SGCE: variants seen among roughly 807,000 people sequenced by gnomAD.
The protein encoded by SGCE is epsilon-sarcoglycan.
A neutral mutation model predicts 57.8 loss-of-function variants in SGCE; 26 were observed. The observed-to-expected ratio is 0.45, with a 90% CI of 0.33 to 0.62. The LOEUF is 0.62. Ranked by LOEUF, SGCE falls within the 20% of genes least tolerant of loss-of-function variation. SGCE has a pLI of 0.02. For synonymous variants in SGCE, 183 were observed against 189.5 expected (o/e 0.97, Z 0.28); for missense variants, 468 against 548.6 (o/e 0.85, Z 1.47).
chr7:94,595,866 A>G (rs2116641545), intron 9 of SGCE, among the ~76,000 whole-genome samples: 1 of 152,246 alleles, frequency 6.6e-6, no homozygotes, highest in South Asian at 2.1e-4. Context: ...TCTAAGAATA[A>G]AAGAAAGATA....
chr7:94,602,069 G>T (rs1799353265), intron 6 of SGCE, among the ~76,000 whole-genome samples: 1 of 151,996 alleles, frequency 6.6e-6, no homozygotes, highest in African/African-American at 2.4e-5. Flanking sequence ...TAGAGACTGG[G>T]TAATAGTCCT....
intron 1 of SGCE, among the ~76,000 whole-genome samples, chr7:94,647,546 AAT>A (rs1313380507): frequency 3.9e-5 from 6 of 152,214 alleles, no homozygotes. Context: ...GTCCTGGTTA[AAT>A]CCCTGCAAAG....
Position 94,605,165 on chromosome 7 carries a change from C to T in SGCE, c.663-1713G>A, listed in dbSNP as rs140175179. 2.8e-4 allele frequency among the ~76,000 whole-genome samples: 43 copies of T among 151,902 alleles called. 1 individual carries two copies. The highest frequency in any genetic ancestry group is 3.4e-3 in the Middle Eastern group (1 of 292). On this transcript the variant is annotated intron_variant, in intron 5 of 10. Transcript: ENST00000648936. Reference sequence around the variant, plus strand: ...TGAAAAGACTGAACAAGCATCACACCGGAATCAGATATGGCAGAGATGTTG... The same window carrying T: ...TGAAAAGACTGAACAAGCATCACACTGGAATCAGATATGGCAGAGATGTTG...
chr7:94,643,684 ATTTATT>A (rs745730723), intron 1 of SGCE, among the ~76,000 whole-genome samples: 8 of 152,124 alleles, frequency 5.3e-5, no homozygotes, highest in Non-Finnish European at 1.2e-4. Flanking sequence ...GGAAATAACT[ATTTATT>A]TTTAATTGTG....
intron 10 of SGCE, among the ~76,000 whole-genome samples, chr7:94,586,209 G>A (rs952550029): frequency 6.6e-6 from 1 of 151,892 alleles, no homozygotes; most frequent in Non-Finnish European, 1.5e-5. Context: ...AAACTGACAT[G>A]TGCATAATGT....
chr7:94,618,853 A>G lies in SGCE; in HGVS notation c.567T>C (p.Asn189=), dbSNP rs1802334402. The change falls in exon 5 of 11, where the codon AAT becomes AAC. Residue 189 remains asparagine (N), a synonymous_variant. Transcript: ENST00000648936. ...VLGDFLGAVK[N]VWQPERLNAI... is the part of the protein sequence containing the mutation. ...CGTTCAGGCGCTCTGGCTGCCACAC[A>G]TTTTTCACTGCGCCAAGAAAGTCTC... 11 of 1,613,950 alleles carry G rather than the reference A, an allele frequency of 6.8e-6. No homozygotes were observed. The highest frequency in any genetic ancestry group is 9.3e-6 in the Non-Finnish European group (11 of 1,179,940).
chr7:94,646,141 G>T (rs1344153535), intron 1 of SGCE, among the ~76,000 whole-genome samples: 5 of 152,192 alleles, frequency 3.3e-5, no homozygotes, highest in African/African-American at 1.2e-4. Context: ...GAGGGCTGCA[G>T]TTTAACCCTT....
chr7:94,598,816 G>T lies in SGCE; in HGVS notation c.1212C>A (p.Asp404Glu). Residue 404 changes from aspartate to glutamate, a missense_variant, in exon 9 of 11, where the codon GAC becomes GAA. Asp to Glu is a conservative substitution (Grantham distance 45). Transcript: ENST00000648936. ...TGEIIPPLHT[D>E]NYDSTNMPLM... ...ATGGCATGTTTGTGCTATCATAGTT[G>T]TCTGTGTGTAAAGGAGGTATGATTT... 3 of 1,613,376 alleles carry T rather than the reference G, an allele frequency of 1.9e-6. No homozygotes were observed. The South Asian group carries it at 3.3e-5, about 18-fold the overall frequency.
chr7:94,646,604 A>G (rs1278977988), intron 1 of SGCE, among the ~76,000 whole-genome samples: 2 of 152,208 alleles, frequency 1.3e-5, no homozygotes, highest in African/African-American at 4.8e-5. Context: ...ATTAGTGAAA[A>G]GCAGAATACA....
chr7:94,598,914 G>C lies in SGCE; in HGVS notation c.1114C>G (p.Arg372Gly). ...ATCTCTCTATTCTTGGACATGTCTC[G>C]AAGCTCCTTGGTAGATTTCTGAATA... ...SAIQKSTKEL[R>G]DMSKNREIAW... Residue 372 changes from arginine (R) to glycine (G), a missense_variant, in exon 9 of 11, where the codon CGA becomes GGA. Coordinates refer to ENST00000648936, the MANE Select transcript of SGCE (RefSeq NM_003919.3). The C allele has an allele frequency of 6.2e-7, 1 of 1,613,832 alleles. No individual in the cohort carries two copies. The highest frequency in any genetic ancestry group is 1.1e-5 in the South Asian group (1 of 91,066).
intron 10 of SGCE, 43 bp from the exon 11 acceptor site, chr7:94,585,558 C>G: frequency 7.3e-7 from 1 of 1,365,218 alleles, no homozygotes. Context: ...TTAGTCAGGG[C>G]ATGGATACTT....
intron 1 of SGCE, among the ~76,000 whole-genome samples, chr7:94,631,056 A>G (rs140032985): frequency 2.8e-4 from 43 of 152,118 alleles, no homozygotes; most frequent in African/African-American, 8.7e-4. Flanking sequence ...TACTAAAAAC[A>G]TAACTTCAAA....
chr7:94,645,171 T>C (rs754558714), intron 1 of SGCE, among the ~76,000 whole-genome samples: 17 of 152,228 alleles, frequency 1.1e-4, no homozygotes, highest in Non-Finnish European at 7.3e-5. Context: ...AATACAGTCA[T>C]GCATTGCTTA....
intron 1 of SGCE, chr7:94,640,878 C>T (rs1806290597): frequency 6.6e-6 from 1 of 152,282 alleles, no homozygotes; most frequent in Non-Finnish European, 1.5e-5. Flanking sequence ...GAACTCCAGG[C>T]CTCAGGTGAT....
intron 9 of SGCE, among the ~76,000 whole-genome samples, chr7:94,593,726 C>T (rs1449269212): frequency 6.6e-6 from 1 of 152,028 alleles, no homozygotes; most frequent in African/African-American, 2.4e-5. Flanking sequence ...CCAAACAGCT[C>T]CAACCTCCTA....
intron 1 of SGCE, among the ~76,000 whole-genome samples, chr7:94,635,510 TA>T (rs1475717039): frequency 6.6e-6 from 1 of 152,226 alleles, no homozygotes; most frequent in African/African-American, 2.4e-5. Flanking sequence ...TTTTAACATC[TA>T]AAAACTCTTT....
intron 5 of SGCE, among the ~76,000 whole-genome samples, chr7:94,605,279 A>C (rs549240983): frequency 1.3e-5 from 2 of 152,294 alleles, no homozygotes; most frequent in East Asian, 3.9e-4. Flanking sequence ...AAGAAATGTT[A>C]AAATAACTTC....
chr7:94,590,166 A>G (rs1194009137), intron 9 of SGCE: 1 of 152,060 alleles, frequency 6.6e-6, no homozygotes, highest in Non-Finnish European at 1.5e-5. Flanking sequence ...ATCAGCTCCC[A>G]TTTGTTCTTG....
At chr7:94,628,597 T>C in intron 2 of SGCE, 1 of 495,914 alleles carries the variant, frequency 2.0e-6, no homozygotes, top group South Asian at 2.2e-5. Flanking sequence ...CATACAATTT[T>C]CTTGGAAATA....
Sources: gnomAD v4.1 joint callset for allele counts (sites outside exome capture counted in the v4.1 genomes callset) on GRCh38, gnomAD v4.1.1 for gene constraint, MANE v1.5 for transcripts, NCBI Gene and HGNC (gene_info 2026-07-23, HGNC 2026-07-21) for gene names.